ZNF787: variants seen among roughly 807,000 people sequenced by gnomAD.
The protein encoded by ZNF787 is TTF-I-interacting peptide 20.
ZNF787 carries 7 observed loss-of-function variants against 16.9 expected under a neutral mutation model. The ratio of observed to expected loss-of-function variants is 0.42; its 90% CI spans 0.24 to 0.78. The LOEUF is 0.78. Among genes scored for constraint, ZNF787 ranks in the 30% least tolerant of loss-of-function variants. ZNF787 has a pLI of 0.30. For missense variants in ZNF787, 551 were observed against 589.3 expected (o/e 0.94, Z 0.67); for synonymous variants, 345 against 270.9 (o/e 1.27, Z -2.69).
intron 1 of ZNF787, among the ~76,000 whole-genome samples, chr19:56,120,934 C>CCGCGGGCCG (rs1249472347): frequency 7.2e-6 from 1 of 137,964 alleles, no homozygotes; most frequent in African/African-American, 2.7e-5. Flanking sequence ...CGCTCGCCGC[C>CCGCGGGCCG]CGCGGGCCGC....
rs766653790 is a variant in ZNF787 at position 56,103,208 on chromosome 19, G to A, written c.10C>T (p.Arg4Trp). 1.9e-6 allele frequency: 3 copies of A among 1,558,606 alleles called. No homozygotes were observed. The highest frequency in any genetic ancestry group is 2.6e-6 in the Non-Finnish European group (3 of 1,151,928). ...GGCCCCGGAGACCAGGCTTCTTCCCGCAGCTCCATGTCTGGGTCCCTGTTA... is the reference window on the plus strand; with the variant it reads ...GGCCCCGGAGACCAGGCTTCTTCCCACAGCTCCATGTCTGGGTCCCTGTTA... MEL[R>W]EEAWSPGPLD... Residue 4 changes from arginine (R) to tryptophan (W), a missense_variant, in exon 2 of 3, where the codon CGG (arginine) becomes TGG (tryptophan). Arg to Trp is a moderately radical substitution (Grantham distance 101). Transcript: ENST00000610935.
At chr19:56,092,525 C>CTTTTT (rs5828673) in intron 2 of ZNF787, among the ~76,000 whole-genome samples, 23 of 143,028 alleles carry the variant, frequency 1.6e-4, no homozygotes, top group African/African-American at 5.4e-4. Context: ...TCTGGAAATG[C>CTTTTT]TTTTTTTTTT....
At chr19:56,100,248 C>T (rs991728733) in intron 2 of ZNF787, among the ~76,000 whole-genome samples, 4 of 152,260 alleles carry the variant, frequency 2.6e-5, no homozygotes, top group Non-Finnish European at 5.9e-5. Flanking sequence ...CTCCTGCCTC[C>T]AACACAGGAC....
In ZNF787 at chr19:56,087,700, AGG is replaced by A. The variant is rs1407513995; in HGVS notation, c.*321_*322del. On this transcript the variant is annotated 3_prime_UTR_variant, in exon 3 of 3. Coordinates refer to ENST00000610935, the MANE Select transcript of ZNF787 (RefSeq NM_001002836.4). ...CCGCCCCGGACAACTGAGGAAGAGC[AGG>A]GAAAATGGCCTTCCGCTTGGGGCCT... is the stretch of plus-strand genomic sequence containing the variant. 1.2e-5 allele frequency: 2 copies of A among 172,204 alleles called. No homozygotes were observed. Among genetic ancestry groups the A allele is most frequent in the African/African-American group, 4.9e-5 (2 of 40,924 alleles). 10.7% of individuals were successfully genotyped at this position (172,204 alleles called of 1,614,324 possible).
intron 1 of ZNF787, among the ~76,000 whole-genome samples, chr19:56,117,565 C>A (rs1480431668): frequency 1.1e-4 from 16 of 152,262 alleles, no homozygotes; most frequent in Admixed American, 1.0e-3. Context: ...GAGGCTGGAG[C>A]CACACCTGAG....
Position 56,103,230 on chromosome 19 carries a change from G to C in ZNF787, c.-10-3C>G, listed in dbSNP as rs377379461. ...CCCGCAGCTCCATGTCTGGGTCCCT[G>C]TTAGAAGGGGATGAGACAGAAGGAC... On this transcript the variant is annotated splice_polypyrimidine_tract_variant and splice_region_variant and intron_variant, in intron 1 of 2. Coordinates refer to ENST00000610935, the MANE Select transcript of ZNF787 (RefSeq NM_001002836.4). 4.9e-5 allele frequency: 76 copies of C among 1,543,770 alleles called. No individual in the cohort carries two copies. Among genetic ancestry groups the C allele is most frequent in the Admixed American group, 2.0e-4 (10 of 50,452 alleles).
intron 1 of ZNF787, among the ~76,000 whole-genome samples, chr19:56,111,697 C>G (rs11673628): frequency 0.7 from 107,048 of 151,870 alleles, 42,109 homozygotes; most frequent in South Asian, 0.93. Flanking sequence ...CCACACTGCT[C>G]TGCATCCCAA....
chr19:56,103,409 T>A (rs574296599), intron 1 of ZNF787, 182 bp from the exon 2 acceptor site: 3 of 497,006 alleles, frequency 6.0e-6, no homozygotes, highest in African/African-American at 2.0e-5. Context: ...CGCTCCCCAC[T>A]GCAGGGGCCA....
intron 1 of ZNF787, among the ~76,000 whole-genome samples, chr19:56,119,321 TC>T (rs1415187266): frequency 2.0e-5 from 3 of 152,212 alleles, no homozygotes; most frequent in Non-Finnish European, 2.9e-5. Flanking sequence ...GAACTTGCTC[TC>T]GTTTTTAGAC....
At chr19:56,114,975 G>A (rs2030089140) in intron 1 of ZNF787, among the ~76,000 whole-genome samples, 1 of 152,058 alleles carries the variant, frequency 6.6e-6, no homozygotes, top group South Asian at 2.1e-4. Flanking sequence ...CCTCACTCCT[G>A]GCCTGAAAAC....
chr19:56,116,887 A>G (rs763952202), intron 1 of ZNF787, among the ~76,000 whole-genome samples: 1 of 152,172 alleles, frequency 6.6e-6, no homozygotes, highest in Non-Finnish European at 1.5e-5. Flanking sequence ...TCCAGCGACA[A>G]AAGATCACAC....
In ZNF787 at chr19:56,088,211, C is replaced by G; in HGVS notation, c.961G>C (p.Glu321Gln). The change falls in exon 3 of 3, where the codon GAG (glutamate) becomes CAG (glutamine). Residue 321 changes from glutamate to glutamine, a missense_variant. Physicochemically the swap from Glu to Gln is conservative, Grantham distance 29 (BLOSUM62 2). Coordinates refer to ENST00000610935, the MANE Select transcript of ZNF787 (RefSeq NM_001002836.4). The surrounding 1 kb of genome is among the most constrained non-coding windows in gnomAD (Gnocchi z 8.6). Reference sequence around the variant, plus strand: ...CCCTGCACGAAGCCCTCCCCGCACTCCACGCAGATGTGGGCCGGCTCCTCG... The same window carrying G: ...CCCTGCACGAAGCCCTCCCCGCACTGCACGCAGATGTGGGCCGGCTCCTCG... ...GGEEPAHICV[E>Q]CGEGFVQGAA... The G allele has an allele frequency of 6.5e-7, 1 of 1,527,634 alleles. No individual in the cohort carries two copies. Among genetic ancestry groups the G allele is most frequent in the South Asian group, 1.2e-5 (1 of 83,782 alleles). 94.6% of individuals were successfully genotyped at this position (1,527,634 alleles called of 1,614,324 possible). A position where few individuals can be genotyped will look rare whatever the true frequency, so the allele number is the denominator to read the frequency against.
intron 2 of ZNF787, among the ~76,000 whole-genome samples, chr19:56,095,241 T>C (rs1197255299): frequency 6.6e-6 from 1 of 152,200 alleles, no homozygotes; most frequent in Non-Finnish European, 1.5e-5. Flanking sequence ...TGCTCGCTCA[T>C]GCGCCACTCA....
At chr19:56,090,164 G>C (rs930745347) in intron 2 of ZNF787, among the ~76,000 whole-genome samples, 1 of 152,156 alleles carries the variant, frequency 6.6e-6, no homozygotes, top group Non-Finnish European at 1.5e-5. Context: ...CCAGCACACA[G>C]AGCCCAAACA....
chr19:56,102,593 G>A (rs1211889854), intron 2 of ZNF787: 1 of 466,570 alleles, frequency 2.1e-6, no homozygotes, highest in Non-Finnish European at 3.8e-6. Flanking sequence ...TGTCCAAAAA[G>A]TGAAGGATTT....
intron 2 of ZNF787, among the ~76,000 whole-genome samples, chr19:56,095,647 C>G (rs532390577): frequency 5.9e-5 from 9 of 152,180 alleles, no homozygotes; most frequent in Non-Finnish European, 1.0e-4. Flanking sequence ...GGGCCCTGCT[C>G]GATTCTGATT....
intron 1 of ZNF787, 105 bp from the exon 2 acceptor site, chr19:56,103,332 C>G: frequency 1.0e-6 from 1 of 990,368 alleles, no homozygotes; most frequent in Non-Finnish European, 1.5e-6. Context: ...ACAGGCACAG[C>G]GCCCGGCAGA....
chr19:56,100,078 T>G (rs1986034470), intron 2 of ZNF787, among the ~76,000 whole-genome samples: 1 of 151,956 alleles, frequency 6.6e-6, no homozygotes, highest in African/African-American at 2.4e-5. Context: ...TCGGGATGTA[T>G]TCCCAGAGCA....
chr19:56,106,488 A>G (rs897923482), intron 1 of ZNF787, among the ~76,000 whole-genome samples: 2 of 152,254 alleles, frequency 1.3e-5, no homozygotes, highest in African/African-American at 2.4e-5. Flanking sequence ...CGAGTCTTCA[A>G]TTCTGTGTCT....
Sources: gnomAD v4.1 joint callset for allele counts (sites outside exome capture counted in the v4.1 genomes callset) on GRCh38, gnomAD v4.1.1 for gene constraint, Gnocchi (gnomAD v3.1) non-coding constraint, MANE v1.5 for transcripts, NCBI Gene and HGNC (gene_info 2026-07-23, HGNC 2026-07-21) for gene names.